Variants in UROC1 observed in about 807,000 individuals in gnomAD.
UROC1 encodes the protein urocanate hydratase.
A neutral mutation model predicts 89.5 loss-of-function variants in UROC1; 79 were observed. That is an observed-to-expected ratio of 0.88 (90% CI 0.74 to 1.06). The LOEUF (loss-of-function observed/expected upper bound fraction) is 1.06. Among genes scored for constraint, UROC1 ranks in the 50% least tolerant of loss-of-function variants. The pLI is 0.00. For synonymous variants in UROC1, 361 were observed against 354.8 expected (o/e 1.02, Z -0.20); for missense variants, 885 against 907.8 (o/e 0.97, Z 0.32).
intron 2 of UROC1, 109 bp downstream of exon 2, chr3:126,510,555 G>A (rs902702222): frequency 5.3e-6 from 8 of 1,522,204 alleles, no homozygotes; most frequent in African/African-American, 1.4e-5. Flanking sequence ...GGACAGACTG[G>A]GTTTCCCCCT....
In UROC1 at chr3:126,500,055, A is replaced by C. The variant is rs1018430634; in HGVS notation, c.1243+2T>G. The C allele has an allele frequency of 2.5e-6, 4 of 1,612,478 alleles. No homozygotes were observed. The highest frequency in any genetic ancestry group is 3.4e-6 in the Non-Finnish European group (4 of 1,179,738). On this transcript the variant is annotated splice_donor_variant, in intron 12 of 19. Coordinates refer to ENST00000290868, the MANE Select transcript of UROC1 (RefSeq NM_144639.3). LOFTEE classifies it high-confidence loss of function. ...CTCCTCCTCCCTCCTCCTTCCTCCTACCTGCTCTCTGGGCCTCCAAGAGGA... is the reference window on the plus strand; with the variant it reads ...CTCCTCCTCCCTCCTCCTTCCTCCTCCCTGCTCTCTGGGCCTCCAAGAGGA...
In UROC1 at chr3:126,508,048, A is replaced by G; in HGVS notation, c.459T>C (p.Thr153=). ...GTGGGTGCCCACTGTACATGACCAA[A>G]GTCTGCTCCTCTGTCATCTTCGACA... ...FYLSKMTEEQ[T]LVMYSGHPLG... The change falls in exon 5 of 20, where the codon ACT becomes ACC. Residue 153 remains threonine (T), a synonymous_variant. Transcript: ENST00000290868. 6.2e-7 allele frequency: 1 copy of G among 1,614,040 alleles called. No individual in the cohort carries two copies. The highest frequency in any genetic ancestry group is 8.5e-7 in the Non-Finnish European group (1 of 1,180,030).
chr3:126,494,464 G>A (rs1047018795), intron 15 of UROC1, among the ~76,000 whole-genome samples: 14 of 152,292 alleles, frequency 9.2e-5, no homozygotes, highest in South Asian at 2.1e-4. Context: ...ACTCAGCACC[G>A]TCACAGAGAT....
rs1936103771 is a variant in UROC1, at chr3:126,507,822, G to T, written c.541-19C>A. 6.2e-7 allele frequency: 1 copy of T among 1,614,098 alleles called. No individual in the cohort carries two copies. The highest frequency in any genetic ancestry group is 8.5e-7 in the Non-Finnish European group (1 of 1,179,988). The stretch of plus-strand genomic sequence containing the variant: ...GAATGACCTGGAGAAGAGGATGGGG[G>T]CAGACAGAGGGGCTGAGGGCTTGGA... On this transcript the variant is annotated intron_variant, in intron 5 of 19. Coordinates refer to ENST00000290868, the MANE Select transcript of UROC1 (RefSeq NM_144639.3).
At chr3:126,513,665 G>A (rs1394536377) in intron 1 of UROC1, among the ~76,000 whole-genome samples, 1 of 152,182 alleles carries the variant, frequency 6.6e-6, no homozygotes, top group African/African-American at 2.4e-5. Flanking sequence ...AAGTGTGTGT[G>A]AGTGCCCAGC....
rs202042371 is a variant in UROC1, at chr3:126,492,459, C to T, written c.1567G>A (p.Ala523Thr). Reference sequence around the variant, plus strand: ...GCGATGGCCTGGTTAATGGCCACAGCGATGGCCACGCGGCCCTTCTGGTCT... The same window carrying T: ...GCGATGGCCTGGTTAATGGCCACAGTGATGGCCACGCGGCCCTTCTGGTCT... ...YSDQKGRVAI[A>T]VAINQAIACR... Residue 523 changes from alanine (A) to threonine (T), a missense_variant, in exon 16 of 20, where the codon GCT becomes ACT. Ala to Thr is a moderately conservative substitution (Grantham distance 58). Transcript: ENST00000290868. The T allele has an allele frequency of 1.4e-5, 22 of 1,613,460 alleles. No individual in the cohort carries two copies. The highest frequency in any genetic ancestry group is 4.5e-5 in the East Asian group (2 of 44,880).
intron 16 of UROC1, among the ~76,000 whole-genome samples, chr3:126,491,095 T>C (rs1421274997): frequency 1.3e-5 from 2 of 152,178 alleles, no homozygotes; most frequent in Admixed American, 1.3e-4. Flanking sequence ...GCCAGGCCTG[T>C]TCCCACGTCT....
chr3:126,499,930 G>T, intron 12 of UROC1, 127 bp downstream of exon 12: 1 of 913,016 alleles, frequency 1.1e-6, no homozygotes, highest in Non-Finnish European at 1.7e-6. Context: ...GCACAGTGAA[G>T]CCTCGGTCAG....
chr3:126,501,891 C>A (rs1264993086), intron 9 of UROC1: 1 of 1,599,406 alleles, frequency 6.3e-7, no homozygotes, highest in Non-Finnish European at 8.5e-7. Context: ...CACACAGTCC[C>A]AGGGCAGCAG....
Position 126,482,046 on chromosome 3 carries a change from G to C in UROC1, c.*299C>G. On this transcript the variant is annotated 3_prime_UTR_variant, in exon 20 of 20. Coordinates refer to ENST00000290868, the MANE Select transcript of UROC1 (RefSeq NM_144639.3). ...ATCCCAGCCGGAGAGAGCTTGACCA[G>C]TGTTCACCGCAGGGCCCCCGGGCAG... 2 of 451,816 alleles carry C rather than the reference G, an allele frequency of 4.4e-6. No individual in the cohort carries two copies. Among genetic ancestry groups the C allele is most frequent in the Non-Finnish European group, 8.1e-6 (2 of 245,852 alleles). 28.0% of individuals were successfully genotyped at this position (451,816 alleles called of 1,614,324 possible).
Position 126,499,421 on chromosome 3 carries a change from G to A in UROC1, c.1244-12C>T, listed in dbSNP as rs775831708. On this transcript the variant is annotated splice_polypyrimidine_tract_variant and intron_variant, in intron 12 of 19. Coordinates refer to ENST00000290868, the MANE Select transcript of UROC1 (RefSeq NM_144639.3). ...CTCCACATCCGCTCCTGTGGGCAGAGCCCGGACAGTCACCACCCAAGGCAG... is the reference window on the plus strand; with the variant it reads ...CTCCACATCCGCTCCTGTGGGCAGAACCCGGACAGTCACCACCCAAGGCAG... The A allele has an allele frequency of 2.5e-6, 4 of 1,608,852 alleles. No individual in the cohort carries two copies. The Admixed American group carries it at 6.7e-5, about 27-fold the overall frequency.
intron 3 of UROC1, among the ~76,000 whole-genome samples, chr3:126,509,129 G>A (rs528187997): frequency 2.6e-5 from 4 of 151,722 alleles, no homozygotes; most frequent in Non-Finnish European, 5.9e-5. Context: ...CCAGCTACCC[G>A]GGAGGCTGAG....
At chr3:126,496,523 C>T (rs180856080) in intron 14 of UROC1, among the ~76,000 whole-genome samples, 127 of 152,240 alleles carry the variant, frequency 8.3e-4, no homozygotes, top group African/African-American at 2.9e-3. Flanking sequence ...GGGAAGGAAC[C>T]GGACAAGGAA....
chr3:126,490,380 C>A (rs1351333086), intron 16 of UROC1, among the ~76,000 whole-genome samples: 1 of 152,116 alleles, frequency 6.6e-6, no homozygotes, highest in East Asian at 1.9e-4. Flanking sequence ...TGTGCATGGG[C>A]AGGCCTGCTA....
At chr3:126,489,748 C>T (rs780892316) in intron 16 of UROC1, among the ~76,000 whole-genome samples, 12 of 152,172 alleles carry the variant, frequency 7.9e-5, no homozygotes, top group South Asian at 2.1e-4. Context: ...TATATGCCGG[C>T]GCTCCTCGTC....
At chr3:126,510,586 TTCCTGGCCCCCAGCACAG>T in intron 2 of UROC1, 60 bp downstream of exon 2, 1 of 1,588,392 alleles carries the variant, frequency 6.3e-7, no homozygotes, top group Non-Finnish European at 8.5e-7. Flanking sequence ...TCCCTCCTTG[TTCCTGGCCCCCAGCACAG>T]TCCCTTGCGG....
At chr3:126,505,647 G>GGGAC in intron 8 of UROC1, 54 bp downstream of exon 8, 2 of 1,603,686 alleles carry the variant, frequency 1.2e-6, no homozygotes, top group Non-Finnish European at 1.7e-6. Context: ...AAGGGAGGGA[G>GGGAC]GGAGGGAGGG....
intron 6 of UROC1, among the ~76,000 whole-genome samples, chr3:126,507,530 G>T (rs1410301453): frequency 6.6e-6 from 1 of 152,122 alleles, no homozygotes; most frequent in Non-Finnish European, 1.5e-5. Flanking sequence ...AAAAAGGCAG[G>T]ATCTAAATTT....
rs1178186288 is a variant in UROC1, at chr3:126,507,970, CCCATTGGTGATGACGAG to C, written c.520_536del (p.Leu174AspfsTer13). 6.2e-7 allele frequency: 1 copy of C among 1,613,818 alleles called. No homozygotes were observed. Among genetic ancestry groups the C allele is most frequent in the African/African-American group, 1.3e-5 (1 of 74,928 alleles). The stretch of plus-strand genomic sequence containing the variant: ...GTGCCACCTGCTGGGGACCCACCAT[CCCATTGGTGATGACGAG>C]CCGTGGGGCACTGCGGCTGCTGGGA... On this transcript the variant is annotated frameshift_variant, in exon 5 of 20. Coordinates refer to ENST00000290868, the MANE Select transcript of UROC1 (RefSeq NM_144639.3). LOFTEE classifies it high-confidence loss of function.
Sources: allele counts gnomAD v4.1 joint callset (sites outside exome capture counted in the v4.1 genomes callset), GRCh38; gene constraint gnomAD v4.1.1; transcripts MANE v1.5; gene names NCBI Gene and HGNC (gene_info 2026-07-23, HGNC 2026-07-21).